Variants in TPH2 observed in about 807,000 individuals in gnomAD.
The protein encoded by TPH2 is tryptophan hydroxylase 2.
In TPH2, 27 loss-of-function variants were observed where a neutral mutation model predicts 59.1. The ratio of observed to expected loss-of-function variants is 0.46; its 90% CI spans 0.34 to 0.63. The LOEUF is 0.63. TPH2 is among the 30% of genes least tolerant of loss of function. The pLI is 0.01. For missense variants in TPH2, 523 were observed against 588.3 expected (o/e 0.89, Z 1.15); for synonymous variants, 220 against 210.5 (o/e 1.05, Z -0.39).
At chr12:71,948,759 T>C (rs1871267427) in intron 4 of TPH2, among the ~76,000 whole-genome samples, 1 of 152,198 alleles carries the variant, frequency 6.6e-6, no homozygotes, top group Non-Finnish European at 1.5e-5. Flanking sequence ...AATAACTCCT[T>C]CTGAGCTTCC....
In TPH2 at chr12:71,947,495, T is replaced by A. The variant is rs913600409; in HGVS notation, c.541-2093T>A. On this transcript the variant is annotated intron_variant, in intron 4 of 10. Transcript: ENST00000333850. ...TCTAGGATGCCCAGTTAAATTTGAGTTTCAGATAAATAAGGAGTAGTTTTG... is the reference window on the plus strand; with the variant it reads ...TCTAGGATGCCCAGTTAAATTTGAGATTCAGATAAATAAGGAGTAGTTTTG... 3.3e-5 allele frequency among the ~76,000 whole-genome samples: 5 copies of A among 149,784 alleles called. No individual in the cohort carries two copies. In the Admixed American group the frequency reaches 3.4e-4, roughly 10 times the overall value.
At chr12:71,946,560 CTT>C (rs763951847) in intron 4 of TPH2, among the ~76,000 whole-genome samples, 2 of 152,314 alleles carry the variant, frequency 1.3e-5, no homozygotes, top group East Asian at 1.9e-4. Context: ...AATCCCCTCT[CTT>C]GTCATTTTTT....
intron 5 of TPH2, chr12:71,962,142 T>A: frequency 3.0e-6 from 3 of 989,734 alleles, no homozygotes; most frequent in Non-Finnish European, 3.6e-6. Context: ...GCTCCTAACC[T>A]CCTCTACAGA....
chr12:71,987,382 T>A (rs1419539242), intron 7 of TPH2, among the ~76,000 whole-genome samples: 1 of 152,158 alleles, frequency 6.6e-6, no homozygotes, highest in Non-Finnish European at 1.5e-5. Flanking sequence ...CATGGCCTAA[T>A]CTCTGTCCTG....
chr12:72,012,252 G>A (rs756528380), intron 8 of TPH2, among the ~76,000 whole-genome samples: 18 of 151,918 alleles, frequency 1.2e-4, no homozygotes, highest in Non-Finnish European at 2.2e-4. Context: ...GAAGCTCAGG[G>A]TCTGGTGGAG....
At chr12:71,980,939 T>A (rs6582076) in intron 7 of TPH2, among the ~76,000 whole-genome samples, 88,235 of 151,850 alleles carry the variant, frequency 0.58, 25,866 homozygotes, top group African/African-American at 0.61. Context: ...TTAAAAAAAA[T>A]TTTTTTTAAA....
intron 9 of TPH2, 51 bp downstream of exon 9, chr12:72,022,545 C>T: frequency 7.8e-7 from 1 of 1,283,656 alleles, no homozygotes; most frequent in East Asian, 2.3e-5. Context: ...GGTTCAAGGT[C>T]AGGGAAAATA....
chr12:72,002,754 T>C (rs1455620608), intron 8 of TPH2, among the ~76,000 whole-genome samples: 4 of 142,132 alleles, frequency 2.8e-5, no homozygotes, highest in Non-Finnish European at 6.2e-5. Flanking sequence ...CTATTTTATT[T>C]TACTTTTTTT....
At position 72,031,368 on chromosome 12, in the gene TPH2, T is replaced by C. The variant is rs775385391; in HGVS notation, c.1275T>C (p.Phe425=). ...AAGCCTACTTTGTTTCAGAAAGTTT[T>C]GAAGAAGCCAAAGAAAAGATGAGGT... The part of the protein sequence containing the change: ...FQEAYFVSES[F]EEAKEKMRDF... Residue 425 remains phenylalanine (F), a synonymous_variant, in exon 10 of 11, where the codon TTT becomes TTC. Coordinates refer to ENST00000333850, the MANE Select transcript of TPH2 (RefSeq NM_173353.4). The C allele has an allele frequency of 6.2e-7, 1 of 1,613,760 alleles. No homozygotes were observed. Among genetic ancestry groups the C allele is most frequent in the East Asian group, 2.2e-5 (1 of 44,878 alleles).
intron 8 of TPH2, among the ~76,000 whole-genome samples, chr12:72,002,130 T>C (rs539390087): frequency 6.6e-6 from 1 of 152,308 alleles, no homozygotes; most frequent in Admixed American, 6.5e-5. Flanking sequence ...ATCATGCATG[T>C]CACATACAAA....
chr12:71,980,305 G>C (rs943341055), intron 7 of TPH2, among the ~76,000 whole-genome samples: 2 of 152,130 alleles, frequency 1.3e-5, no homozygotes, highest in African/African-American at 4.8e-5. Context: ...TTATGATGCT[G>C]CTTTACTTGA....
At chr12:72,022,530 A>C (rs1434403730) in intron 9 of TPH2, 36 bp downstream of exon 9, 1 of 1,429,154 alleles carries the variant, frequency 7.0e-7, no homozygotes, top group South Asian at 1.1e-5. Flanking sequence ...CTTCCCATGC[A>C]AACTGGTTCA....
At chr12:71,998,674 G>C (rs1872751122) in intron 8 of TPH2, among the ~76,000 whole-genome samples, 1 of 152,170 alleles carries the variant, frequency 6.6e-6, no homozygotes, top group African/African-American at 2.4e-5. Flanking sequence ...CTTACTGGCA[G>C]GGATAAAAAG....
At position 71,961,423 on chromosome 12, in the gene TPH2, C is replaced by T. The variant is rs557084434; in HGVS notation, c.609-11096C>T. On this transcript the variant is annotated intron_variant, in intron 5 of 10. Coordinates refer to ENST00000333850, the MANE Select transcript of TPH2 (RefSeq NM_173353.4). ...AAGACCATGAGCTGTAGGATAATCA[C>T]GCTTCTTCATCTATCACTCTGAAAA... 4.2e-4 allele frequency: 308 copies of T among 740,336 alleles called. 1 individual carries two copies. The South Asian group carries it at 5.1e-3, about 12-fold the overall frequency. 45.9% of individuals were successfully genotyped at this position (740,336 alleles called of 1,614,324 possible). A position where few individuals can be genotyped will look rare whatever the true frequency, so the allele number is the denominator to read the frequency against.
At chr12:71,964,833 A>G (rs1192243673) in intron 5 of TPH2, 1 of 686,430 alleles carries the variant, frequency 1.5e-6, no homozygotes, top group Non-Finnish European at 1.8e-6. Context: ...GGTTTGTTAC[A>G]TAGGTAAACA....
chr12:71,965,625 T>A (rs752032205), intron 5 of TPH2: 30 of 152,220 alleles, frequency 2.0e-4, no homozygotes, highest in Non-Finnish European at 4.0e-4. Context: ...TTTAATGAGG[T>A]TGTTTTTCTC....
chr12:71,971,011 T>C (rs1025244275), intron 5 of TPH2, among the ~76,000 whole-genome samples: 1 of 152,238 alleles, frequency 6.6e-6, no homozygotes, highest in Admixed American at 6.5e-5. Flanking sequence ...ACAGAAACTA[T>C]TTTGCCGAGA....
chr12:72,010,626 T>C (rs1373796415), intron 8 of TPH2, among the ~76,000 whole-genome samples: 1 of 152,210 alleles, frequency 6.6e-6, no homozygotes, highest in Non-Finnish European at 1.5e-5. Flanking sequence ...TTCTCTGTCT[T>C]GCCTGGAAAG....
chr12:71,984,118 ATAT>A (rs1872365489), intron 7 of TPH2, among the ~76,000 whole-genome samples: 1 of 152,232 alleles, frequency 6.6e-6, no homozygotes, highest in Non-Finnish European at 1.5e-5. Flanking sequence ...CAAGTGACTA[ATAT>A]TGCAACTTAT....
Sources: gnomAD v4.1 joint callset for allele counts (sites outside exome capture counted in the v4.1 genomes callset) on GRCh38, gnomAD v4.1.1 for gene constraint, MANE v1.5 for transcripts, NCBI Gene and HGNC (gene_info 2026-07-23, HGNC 2026-07-21) for gene names.